Variants in RBFOX1 observed in about 807,000 individuals in gnomAD.
RBFOX1 encodes RNA binding fox-1 homolog 1.
RBFOX1 carries 8 observed loss-of-function variants against 57.7 expected under a neutral mutation model. The ratio of observed to expected loss-of-function variants is 0.14; its 90% CI spans 0.08 to 0.25. The LOEUF (loss-of-function observed/expected upper bound fraction) is 0.25, where lower values mean the gene tolerates loss of function less well. RBFOX1 is among the 10% of genes least tolerant of loss of function. The probability of loss-of-function intolerance (pLI) is 1.00; values close to 1 mark genes in which losing one functional copy is unlikely to be tolerated. For synonymous variants in RBFOX1, 326 were observed against 222.4 expected, an observed-to-expected ratio of 1.47 and a Z score of -4.15; for missense variants, 611 against 548.5, an observed-to-expected ratio of 1.11 and a Z score of -1.14.
chr16:6,163,682 C>T (rs893427541), intron 1 of RBFOX1, among the ~76,000 whole-genome samples: 12 of 152,134 alleles, frequency 7.9e-5, no homozygotes, highest in Non-Finnish European at 1.5e-4. Flanking sequence ...AAAATGTTTC[C>T]GCAGATCATA....
intron 3 of RBFOX1, among the ~76,000 whole-genome samples, chr16:7,028,280 G>A (rs1318187651): frequency 6.6e-6 from 1 of 152,004 alleles, no homozygotes; most frequent in African/African-American, 2.4e-5. Context: ...AATCAAATTG[G>A]CACACAGTTC....
intron 2 of RBFOX1, among the ~76,000 whole-genome samples, chr16:5,575,727 T>C (rs2046429382): frequency 6.6e-6 from 1 of 152,190 alleles, no homozygotes; most frequent in East Asian, 1.9e-4. Flanking sequence ...ATTGGGCTGA[T>C]GCCTCCCTGT....
At chr16:7,330,746 T>C (rs1035190794) in intron 4 of RBFOX1, among the ~76,000 whole-genome samples, 11 of 151,686 alleles carry the variant, frequency 7.3e-5, no homozygotes, top group Non-Finnish European at 1.5e-4. Flanking sequence ...TCTGGTCCAG[T>C]GGTCTTTCTA....
intron 1 of RBFOX1, among the ~76,000 whole-genome samples, chr16:5,297,851 C>A (rs962157707): frequency 2.6e-5 from 4 of 152,198 alleles, no homozygotes; most frequent in African/African-American, 9.7e-5. Context: ...AACACTTATT[C>A]CCTTTTAAAT....
chr16:7,700,375 C>G (rs1486622798), intron 14 of RBFOX1, among the ~76,000 whole-genome samples: 2 of 152,108 alleles, frequency 1.3e-5, no homozygotes, highest in Non-Finnish European at 1.5e-5. Context: ...ATAACCAACT[C>G]AAAGAGAAGA....
rs1180915288 is a variant in RBFOX1, at chr16:6,863,646, C to G, written c.-15-188411C>G. On this transcript the variant is annotated intron_variant, in intron 3 of 15. Transcript: ENST00000550418. The stretch of plus-strand genomic sequence containing the variant: ...GGGAGAGAGAATGGCATCAAAATAC[C>G]AAGGTTCTGTTTTTTTTTTTCCTTA... Among the ~76,000 whole-genome samples the G allele has an allele frequency of 2.4e-5, 3 of 125,564 alleles. No individual in the cohort carries two copies. In the East Asian group the frequency reaches 7.0e-4, roughly 29 times the overall value. The allele number at this position is 125,564 out of a possible 152,430, so 82.4% of individuals were successfully genotyped here. A position where few individuals can be genotyped will look rare whatever the true frequency, so the allele number is the denominator to read the frequency against.
At chr16:5,560,818 C>T (rs531041972) in intron 2 of RBFOX1, among the ~76,000 whole-genome samples, 1 of 152,204 alleles carries the variant, frequency 6.6e-6, no homozygotes, top group South Asian at 2.1e-4. Context: ...TTTTATCCTC[C>T]TTGTGGCATT....
chr16:7,499,769 T>C (rs575058242), intron 4 of RBFOX1, among the ~76,000 whole-genome samples: 1 of 152,166 alleles, frequency 6.6e-6, no homozygotes, highest in Non-Finnish European at 1.5e-5. Flanking sequence ...AAATATTTAA[T>C]GTCGATCAGC....
chr16:6,990,846 T>C (rs1455446264), intron 3 of RBFOX1, among the ~76,000 whole-genome samples: 1 of 152,102 alleles, frequency 6.6e-6, no homozygotes, highest in Non-Finnish European at 1.5e-5. Context: ...CAGAAAACCA[T>C]GCTATGTCTA....
At chr16:6,559,658 CCA>C (rs2097153724) in intron 2 of RBFOX1, among the ~76,000 whole-genome samples, 4 of 151,430 alleles carry the variant, frequency 2.6e-5, no homozygotes, top group Non-Finnish European at 5.9e-5. Context: ...GAATATATAC[CCA>C]CACACACAAA....
intron 4 of RBFOX1, among the ~76,000 whole-genome samples, chr16:5,955,497 C>G (rs955878618): frequency 2.6e-5 from 4 of 151,960 alleles, no homozygotes; most frequent in African/African-American, 7.2e-5. Context: ...AGGACATAAC[C>G]TTCTGCAAAT....
At chr16:6,344,172 G>C (rs2084967627) in intron 2 of RBFOX1, among the ~76,000 whole-genome samples, 1 of 151,958 alleles carries the variant, frequency 6.6e-6, no homozygotes, top group Non-Finnish European at 1.5e-5. Flanking sequence ...TGATTCTCAT[G>C]CCTCAGTAGC....
At chr16:5,446,625 G>T (rs1021189034) in intron 1 of RBFOX1, among the ~76,000 whole-genome samples, 4 of 152,120 alleles carry the variant, frequency 2.6e-5, no homozygotes, top group African/African-American at 7.2e-5. Flanking sequence ...GAAGACCCCT[G>T]TGGATTTCTC....
At chr16:6,024,283 C>A (rs1187539611) in intron 1 of RBFOX1, among the ~76,000 whole-genome samples, 1 of 152,036 alleles carries the variant, frequency 6.6e-6, no homozygotes, top group Non-Finnish European at 1.5e-5. Flanking sequence ...TTTCTTGTAG[C>A]TTATATTGTC....
At chr16:6,891,765 A>T (rs1415631369) in intron 3 of RBFOX1, among the ~76,000 whole-genome samples, 1 of 152,162 alleles carries the variant, frequency 6.6e-6, no homozygotes, top group Non-Finnish European at 1.5e-5. Flanking sequence ...CTTCAATCCA[A>T]TGTCTCATCA....
intron 4 of RBFOX1, among the ~76,000 whole-genome samples, chr16:7,340,824 G>T (rs1040290044): frequency 2.0e-5 from 3 of 152,176 alleles, no homozygotes; most frequent in Non-Finnish European, 4.4e-5. Flanking sequence ...AAGGGACACT[G>T]TCAATCTCTT....
intron 3 of RBFOX1, among the ~76,000 whole-genome samples, chr16:6,807,308 C>T (rs899881430): frequency 3.3e-5 from 5 of 151,962 alleles, no homozygotes; most frequent in Non-Finnish European, 7.4e-5. Flanking sequence ...AGTTCTAGGG[C>T]ATACAATGAA....
chr16:6,705,188 G>C (rs953236982), intron 3 of RBFOX1: 4 of 152,120 alleles, frequency 2.6e-5, no homozygotes, highest in African/African-American at 7.2e-5. Flanking sequence ...ATTGCTCTAT[G>C]GTTCCAAAGT....
chr16:5,889,960 A>G (rs975277254), intron 4 of RBFOX1, among the ~76,000 whole-genome samples: 1 of 152,210 alleles, frequency 6.6e-6, no homozygotes, highest in Non-Finnish European at 1.5e-5. Context: ...TGATGATCAC[A>G]ATGCGTGTGA....
Sources: allele counts gnomAD v4.1 joint callset (sites outside exome capture counted in the v4.1 genomes callset), GRCh38; gene constraint gnomAD v4.1.1; transcripts MANE v1.5; gene names NCBI Gene and HGNC (gene_info 2026-07-23, HGNC 2026-07-21).